TBC1D15: variants seen among roughly 807,000 people sequenced by gnomAD.
The protein encoded by TBC1D15 is GAP for RAB7.
Under a neutral mutation model 95.4 loss-of-function variants are expected in TBC1D15, and 39 were observed. That is an observed-to-expected ratio of 0.41 (90% confidence interval 0.32 to 0.53). The LOEUF (loss-of-function observed/expected upper bound fraction) is 0.53. TBC1D15 is among the 20% of genes least tolerant of loss of function. The probability of loss-of-function intolerance (pLI) is 0.29; values close to 1 mark genes in which losing one functional copy is unlikely to be tolerated. For synonymous variants in TBC1D15, 258 were observed against 261.3 expected, an observed-to-expected ratio of 0.99 and a Z score of 0.12; for missense variants, 733 against 794.3, an observed-to-expected ratio of 0.92 and a Z score of 0.93.
intron 1 of TBC1D15, among the ~76,000 whole-genome samples, chr12:71,858,594 C>G (rs1889679307): frequency 8.0e-6 from 1 of 125,484 alleles, no homozygotes; most frequent in African/African-American, 3.2e-5. Flanking sequence ...CTCTTTGTTG[C>G]TCAGGCTGGA....
At chr12:71,860,799 T>G (rs1054334464) in intron 1 of TBC1D15, among the ~76,000 whole-genome samples, 8 of 152,192 alleles carry the variant, frequency 5.3e-5, no homozygotes, top group African/African-American at 1.9e-4. Flanking sequence ...CCTTGTCTTG[T>G]ACCAGATCTT....
intron 1 of TBC1D15, chr12:71,849,881 G>A (rs766676029): frequency 1.7e-6 from 1 of 572,134 alleles, no homozygotes; most frequent in Non-Finnish European, 3.4e-6. Context: ...AAGAATGTTT[G>A]GGGTCCACCA....
At position 71,846,730 on chromosome 12, in the gene TBC1D15, T is replaced by C. The variant is rs151286119; in HGVS notation, c.30+6919T>C. ...TTTTACTGTTTACAACAATGGACTT[T>C]CTATGTAAATTATTTTTTATACAGC... On this transcript the variant is annotated intron_variant, in intron 1 of 16. Coordinates refer to ENST00000485960, the MANE Select transcript of TBC1D15 (RefSeq NM_001146213.3). Among the ~76,000 whole-genome samples the C allele has an allele frequency of 1.0e-3, 156 of 152,024 alleles. 1 individual carries two copies. Among genetic ancestry groups the C allele is most frequent in the Admixed American group, 3.9e-3 (59 of 15,248 alleles).
chr12:71,906,967 T>C, intron 10 of TBC1D15, 55 bp from the exon 11 acceptor site: 1 of 1,143,994 alleles, frequency 8.7e-7, no homozygotes, highest in East Asian at 2.4e-5. Context: ...ATGTGAGCTT[T>C]ATCACAATCT....
intron 5 of TBC1D15, among the ~76,000 whole-genome samples, chr12:71,886,811 T>C (rs1003485884): frequency 3.3e-5 from 5 of 152,144 alleles, no homozygotes; most frequent in African/African-American, 1.2e-4. Context: ...ATGATTGGAA[T>C]AGAAAATTAT....
chr12:71,884,312 G>A lies in TBC1D15; in HGVS notation c.344-499G>A, dbSNP rs1019523102. Among the ~76,000 whole-genome samples, 15 of 152,208 alleles carry A rather than the reference G, an allele frequency of 9.9e-5. No individual in the cohort carries two copies. The East Asian group carries it at 2.7e-3, about 27-fold the overall frequency. On this transcript the variant is annotated intron_variant, in intron 4 of 16. Transcript: ENST00000485960. Reference sequence around the variant, plus strand: ...GCTATTCTTATTTTGGGGGGAGTGGGACAGATAAACATTTACTGAGAATTT... The same window carrying A: ...GCTATTCTTATTTTGGGGGGAGTGGAACAGATAAACATTTACTGAGAATTT...
chr12:71,876,243 T>C (rs1893785495), intron 3 of TBC1D15, among the ~76,000 whole-genome samples: 1 of 152,228 alleles, frequency 6.6e-6, no homozygotes, highest in African/African-American at 2.4e-5. Flanking sequence ...ATAAACCTTG[T>C]AGCTGTTTTT....
intron 1 of TBC1D15, among the ~76,000 whole-genome samples, chr12:71,847,206 G>A (rs1375546682): frequency 2.0e-5 from 3 of 152,042 alleles, no homozygotes; most frequent in Non-Finnish European, 2.9e-5. Context: ...GTGACTCACT[G>A]TACCATCACT....
chr12:71,871,227 CT>C (rs947659806), intron 1 of TBC1D15, among the ~76,000 whole-genome samples: 5 of 151,988 alleles, frequency 3.3e-5, no homozygotes, highest in African/African-American at 1.2e-4. Context: ...AGGATTATGT[CT>C]TTATCATCTT....
rs2139070262 is a variant in TBC1D15, at chr12:71,917,744, T to C, written c.1448T>C (p.Ile483Thr). ...ATGCAAGGCATGAAGACCCAGCTAA[T>C]TCAGCTGAGTACCTTACTTCGATTG... is the stretch of plus-strand genomic sequence containing the variant. ...EQMQGMKTQLIQLSTLLRLLD... is the reference protein window; with the variant it reads ...EQMQGMKTQLTQLSTLLRLLD... Residue 483 changes from isoleucine to threonine, a missense_variant, in exon 13 of 17, where the codon ATT becomes ACT. Ile to Thr is a moderately conservative substitution (Grantham distance 89, BLOSUM62 -1). Coordinates refer to ENST00000485960, the MANE Select transcript of TBC1D15 (RefSeq NM_001146213.3). The C allele has an allele frequency of 1.9e-6, 3 of 1,613,076 alleles. No individual in the cohort carries two copies. Among genetic ancestry groups the C allele is most frequent in the Middle Eastern group, 3.3e-4 (2 of 6,048 alleles).
At chr12:71,915,400 T>C (rs538469291) in intron 12 of TBC1D15, among the ~76,000 whole-genome samples, 33 of 149,530 alleles carry the variant, frequency 2.2e-4, no homozygotes, top group Admixed American at 1.7e-3. Context: ...AGAATAAACA[T>C]GTGAATCTTT....
chr12:71,914,973 A>G (rs7309215), intron 12 of TBC1D15, among the ~76,000 whole-genome samples: 13,157 of 151,896 alleles, frequency 0.087, 645 homozygotes, highest in South Asian at 0.14. Context: ...GTTTTTTTCT[A>G]AATGTATACT....
At chr12:71,883,201 C>T (rs572599321) in intron 4 of TBC1D15, among the ~76,000 whole-genome samples, 4 of 151,360 alleles carry the variant, frequency 2.6e-5, no homozygotes, top group African/African-American at 9.7e-5. Flanking sequence ...CAGTATGTAT[C>T]TGTTCTAGGT....
intron 11 of TBC1D15, 188 bp from the exon 12 acceptor site, chr12:71,913,638 T>C (rs1902972894): frequency 2.0e-6 from 1 of 492,556 alleles, no homozygotes; most frequent in Non-Finnish European, 3.5e-6. Context: ...ACAACTCATC[T>C]TTCTTACTTA....
intron 5 of TBC1D15, among the ~76,000 whole-genome samples, chr12:71,888,866 T>G (rs75244948): frequency 1.3e-5 from 2 of 151,494 alleles, no homozygotes; most frequent in Non-Finnish European, 2.9e-5. Flanking sequence ...TTTTTTCATT[T>G]AATTCAAGTA....
chr12:71,888,829 T>C (rs1334987750), intron 5 of TBC1D15, among the ~76,000 whole-genome samples: 1 of 151,014 alleles, frequency 6.6e-6, no homozygotes, highest in African/African-American at 2.4e-5. Flanking sequence ...CATAGAATGT[T>C]CCTTATACAT....
Position 71,857,589 on chromosome 12 carries a change from C to T in TBC1D15, c.31-14481C>T, listed in dbSNP as rs141248518. On this transcript the variant is annotated intron_variant, in intron 1 of 16. Coordinates refer to ENST00000485960, the MANE Select transcript of TBC1D15 (RefSeq NM_001146213.3). ...ATTTTGCTTTTATTTTTAATTGGCA[C>T]ATAATAATTGTACATATTTATGGGG... is the stretch of plus-strand genomic sequence containing the variant. Among the ~76,000 whole-genome samples, 845 of 152,118 alleles carry T rather than the reference C, an allele frequency of 5.6e-3. 8 individuals are homozygous for T. Among genetic ancestry groups the T allele is most frequent in the African/African-American group, 0.02 (811 of 41,504 alleles).
At chr12:71,879,695 T>C (rs2138448438) in intron 3 of TBC1D15, among the ~76,000 whole-genome samples, 1 of 152,362 alleles carries the variant, frequency 6.6e-6, no homozygotes, top group South Asian at 2.1e-4. Flanking sequence ...CATCTTTCTA[T>C]GTTTATTACA....
chr12:71,897,778 A>C (rs1898506991), intron 9 of TBC1D15, 69 bp from the exon 10 acceptor site: 2 of 1,153,406 alleles, frequency 1.7e-6, no homozygotes, highest in Non-Finnish European at 2.6e-6. Flanking sequence ...TTATAGAAAA[A>C]CCCAATTAAA....
Sources: gnomAD v4.1 joint callset for allele counts (sites outside exome capture counted in the v4.1 genomes callset) on GRCh38, gnomAD v4.1.1 for gene constraint, MANE v1.5 for transcripts, NCBI Gene and HGNC (gene_info 2026-07-23, HGNC 2026-07-21) for gene names.